PAK1: variants seen among roughly 807,000 people sequenced by gnomAD.
PAK1 encodes the protein p21 (RAC1) activated kinase 1.
In PAK1, 29 loss-of-function variants were observed where a neutral mutation model predicts 67.4. The ratio of observed to expected loss-of-function variants is 0.43; its 90% CI spans 0.32 to 0.59. The LOEUF is 0.59. Ranked by LOEUF, PAK1 falls within the 20% of genes least tolerant of loss-of-function variation. PAK1 has a pLI of 0.07. For missense variants in PAK1, 337 were observed against 670.7 expected, an observed-to-expected ratio of 0.50 and a Z score of 5.50; for synonymous variants, 223 against 237.4, an observed-to-expected ratio of 0.94 and a Z score of 0.56.
At chr11:77,343,723 C>A (rs1943986981) in intron 10 of PAK1, 96 bp downstream of exon 10, 1 of 749,262 alleles carries the variant, frequency 1.3e-6, no homozygotes, top group African/African-American at 1.7e-5. Context: ...TAAATGGAGG[C>A]AGTTCTGAGG....
intron 11 of PAK1, among the ~76,000 whole-genome samples, chr11:77,340,213 G>A (rs1298461625): frequency 1.3e-5 from 2 of 151,958 alleles, no homozygotes; most frequent in Non-Finnish European, 2.9e-5. Context: ...TGACTGTCTT[G>A]TCTAAAATAG....
the PAK1 span, among the ~76,000 whole-genome samples, chr11:77,507,582 G>A: frequency 1.3e-5 from 2 of 152,038 alleles, no homozygotes; most frequent in African/African-American, 2.4e-5. Flanking sequence ...AGTTACAGCA[G>A]TGCAATCATA....
At chr11:77,360,944 T>C (rs758318622) in intron 5 of PAK1, among the ~76,000 whole-genome samples, 36 of 152,192 alleles carry the variant, frequency 2.4e-4, no homozygotes, top group Non-Finnish European at 4.9e-4. Flanking sequence ...ATTATCATTA[T>C]GTCTAATAAC....
In PAK1 at chr11:77,323,862, C is replaced by T. The variant is rs897357704; in HGVS notation, c.1552-502G>A. ...TCATATTGTATTATTCCATTTCTTC[C>T]GAGGTAAGCCTAACCATGGTGATAA... On this transcript the variant is annotated intron_variant, in intron 14 of 14. Coordinates refer to ENST00000356341, the MANE Select transcript of PAK1 (RefSeq NM_002576.5). Among the ~76,000 whole-genome samples the T allele has an allele frequency of 5.3e-5, 8 of 152,216 alleles. No individual in the cohort carries two copies. The East Asian group carries it at 5.8e-4, about 11-fold the overall frequency.
the PAK1 span, among the ~76,000 whole-genome samples, chr11:77,518,278 A>G: frequency 6.6e-6 from 1 of 152,206 alleles, no homozygotes; most frequent in African/African-American, 2.4e-5. Flanking sequence ...GGACAAATAG[A>G]TATTATGAAT....
At chr11:77,377,998 T>A (rs1242690544) in intron 4 of PAK1, among the ~76,000 whole-genome samples, 1 of 152,028 alleles carries the variant, frequency 6.6e-6, no homozygotes, top group Non-Finnish European at 1.5e-5. Flanking sequence ...GCAGCATGAG[T>A]GAAGCTGCAG....
intron 1 of PAK1, among the ~76,000 whole-genome samples, chr11:77,446,880 G>A (rs1241894666): frequency 1.3e-5 from 2 of 150,976 alleles, no homozygotes; most frequent in East Asian, 3.9e-4. Flanking sequence ...TAGTGAATAG[G>A]GGAGCTGTGA....
intron 2 of PAK1, among the ~76,000 whole-genome samples, chr11:77,388,408 C>T (rs1335630991): frequency 6.6e-6 from 1 of 152,230 alleles, no homozygotes; most frequent in Non-Finnish European, 1.5e-5. Flanking sequence ...GGCTGAAGTG[C>T]AGTGGCGCAA....
chr11:77,490,107 C>T, the PAK1 span, among the ~76,000 whole-genome samples: 1 of 151,704 alleles, frequency 6.6e-6, no homozygotes, highest in Non-Finnish European at 1.5e-5. Flanking sequence ...GGCCGCGACC[C>T]CATCTAGGAA....
At position 77,429,056 on chromosome 11, in the gene PAK1, TAAAAAAAAAAAAAAAAAAAAAA is replaced by T. The variant is rs566874549; in HGVS notation, c.-21-36537_-21-36516del. On this transcript the variant is annotated intron_variant, in intron 1 of 14. Coordinates refer to ENST00000356341, the MANE Select transcript of PAK1 (RefSeq NM_002576.5). The stretch of plus-strand genomic sequence containing the variant: ...TTGGATTCTAAATGCCATTTAATAC[TAAAAAAAAAAAAAAAAAAAAAA>T]AAAAAAAAAAAAAAAACACACACAC... Among the ~76,000 whole-genome samples, 183 of 48,996 alleles carry T rather than the reference TAAAAAAAAAAAAAAAAAAAAAA, an allele frequency of 3.7e-3. 3 individuals carry two copies. The highest frequency in any genetic ancestry group is 0.01 in the Middle Eastern group (1 of 98). 32.1% of individuals were successfully genotyped at this position (48,996 alleles called of 152,430 possible).
the PAK1 span, among the ~76,000 whole-genome samples, chr11:77,495,161 CA>C: frequency 6.7e-3 from 914 of 135,648 alleles, 18 homozygotes; most frequent in Admixed American, 0.045. Context: ...GACTCTGTCT[CA>C]AAAAAAAAAA....
At chr11:77,498,496 A>G in the PAK1 span, among the ~76,000 whole-genome samples, 1 of 148,574 alleles carries the variant, frequency 6.7e-6, no homozygotes, top group Non-Finnish European at 1.5e-5. Context: ...ACACACACAC[A>G]CATGGTGCCA....
chr11:77,324,780 G>C (rs199714485), intron 14 of PAK1, among the ~76,000 whole-genome samples: 31 of 135,868 alleles, frequency 2.3e-4, no homozygotes, highest in Middle Eastern at 3.9e-3. Flanking sequence ...CACACACAGA[G>C]AGAGAGAGAG....
the PAK1 span, among the ~76,000 whole-genome samples, chr11:77,484,792 A>G: frequency 6.6e-6 from 1 of 152,236 alleles, no homozygotes; most frequent in Non-Finnish European, 1.5e-5. Flanking sequence ...AATGATGGTT[A>G]CTGTATTAGT....
the PAK1 span, among the ~76,000 whole-genome samples, chr11:77,500,392 A>G: frequency 6.6e-6 from 1 of 151,304 alleles, no homozygotes; most frequent in East Asian, 2.0e-4. Context: ...GCTGGAACCC[A>G]GGCAGCGAAG....
intron 14 of PAK1, among the ~76,000 whole-genome samples, chr11:77,330,138 TACAA>T (rs1260010820): frequency 6.6e-6 from 1 of 152,036 alleles, no homozygotes; most frequent in African/African-American, 2.4e-5. Flanking sequence ...TAAAAGAGGA[TACAA>T]ACAAATGGAA....
intron 6 of PAK1, 74 bp from the exon 7 acceptor site, chr11:77,355,916 T>G: frequency 1.1e-6 from 1 of 909,008 alleles, no homozygotes; most frequent in Non-Finnish European, 1.8e-6. Context: ...GATGTGAGGT[T>G]AGAACATCCA....
intron 1 of PAK1, among the ~76,000 whole-genome samples, chr11:77,430,691 A>G (rs1164319960): frequency 6.6e-6 from 1 of 152,222 alleles, no homozygotes; most frequent in Non-Finnish European, 1.5e-5. Context: ...CCCCCTTGGG[A>G]TGATTATTTA....
At chr11:77,380,151 G>A (rs183342951) in intron 2 of PAK1, among the ~76,000 whole-genome samples, 157 bp from the exon 3 acceptor site, 15 of 152,246 alleles carry the variant, frequency 9.9e-5, no homozygotes, top group African/African-American at 3.1e-4. Flanking sequence ...ATCTGGATTG[G>A]AGCAGATACT....
Sources: gnomAD v4.1 joint callset for allele counts (sites outside exome capture counted in the v4.1 genomes callset) on GRCh38, gnomAD v4.1.1 for gene constraint, MANE v1.5 for transcripts, NCBI Gene and HGNC (gene_info 2026-07-23, HGNC 2026-07-21) for gene names.